The following PIAS1 variants were observed in gnomAD, a reference collection of about 807,000 sequenced individuals.
PIAS1 encodes the protein protein inhibitor of activated STAT 1.
In PIAS1, 6 loss-of-function variants were observed where a neutral mutation model predicts 71.3. The observed-to-expected ratio is 0.08, with a 90% CI of 0.05 to 0.17. The LOEUF is 0.17. PIAS1 is among the 10% of genes least tolerant of loss of function. The pLI is 1.00. For missense variants in PIAS1, 555 were observed against 793.6 expected, an observed-to-expected ratio of 0.70 and a Z score of 3.61; for synonymous variants, 303 against 292.9, an observed-to-expected ratio of 1.03 and a Z score of -0.35.
At chr15:68,080,645 TG>T (rs2092220648) in intron 1 of PIAS1, among the ~76,000 whole-genome samples, 1 of 152,246 alleles carries the variant, frequency 6.6e-6, no homozygotes, top group African/African-American at 2.4e-5. Context: ...CCCCATTGAA[TG>T]AAGAATCTGA....
At chr15:68,103,355 G>A (rs1005498431) in intron 2 of PIAS1, among the ~76,000 whole-genome samples, 12 of 138,440 alleles carry the variant, frequency 8.7e-5, no homozygotes, top group South Asian at 4.5e-4. Flanking sequence ...TAAGCTTTTC[G>A]TTAGCATTTG....
Position 68,082,838 on chromosome 15 carries a change from A to G in PIAS1, c.25-3468A>G, listed in dbSNP as rs759256695. On this transcript the variant is annotated intron_variant, in intron 1 of 13. Coordinates refer to ENST00000249636, the MANE Select transcript of PIAS1 (RefSeq NM_016166.3). ...AGACTTGAAAGTGGTTGCCTCGGGG[A>G]TTTGAAAATTGTGGGGTATGTTAAA... Among the ~76,000 whole-genome samples the G allele has an allele frequency of 2.0e-4, 30 of 152,130 alleles. 1 individual carries two copies. Among genetic ancestry groups the G allele is most frequent in the Admixed American group, 1.4e-3 (21 of 15,268 alleles).
chr15:68,085,442 C>A (rs758319410), intron 1 of PIAS1, among the ~76,000 whole-genome samples: 1 of 152,196 alleles, frequency 6.6e-6, no homozygotes, highest in African/African-American at 2.4e-5. Flanking sequence ...AAATAGATTA[C>A]TGCAGCCTCA....
intron 2 of PIAS1, among the ~76,000 whole-genome samples, chr15:68,131,348 A>G (rs1024504954): frequency 6.6e-6 from 1 of 152,214 alleles, no homozygotes; most frequent in African/African-American, 2.4e-5. Context: ...CAACTAATGT[A>G]TCAAGCTGAT....
At position 68,107,025 on chromosome 15, in the gene PIAS1, C is replaced by G. The variant is rs554549565; in HGVS notation, c.469+20275C>G. On this transcript the variant is annotated intron_variant, in intron 2 of 13. Transcript: ENST00000249636. Reference sequence around the variant, plus strand: ...TGAGGAGATGGGACCCTTTGTACTTCCTAGAGTACAAAGAAACACTGACCT... The same window carrying G: ...TGAGGAGATGGGACCCTTTGTACTTGCTAGAGTACAAAGAAACACTGACCT... 3.9e-5 allele frequency among the ~76,000 whole-genome samples: 6 copies of G among 152,178 alleles called. 1 individual carries two copies. In the South Asian group the frequency reaches 1.2e-3, roughly 32 times the overall value.
intron 2 of PIAS1, among the ~76,000 whole-genome samples, chr15:68,104,188 A>T (rs1001043353): frequency 1.9e-4 from 29 of 152,178 alleles, no homozygotes; most frequent in African/African-American, 5.8e-4. Flanking sequence ...AATAGCACGT[A>T]CCTGGCTTTT....
At chr15:68,087,335 A>G (rs1307802504) in intron 2 of PIAS1, among the ~76,000 whole-genome samples, 3 of 152,184 alleles carry the variant, frequency 2.0e-5, no homozygotes, top group Non-Finnish European at 4.4e-5. Flanking sequence ...TTGTTCCATC[A>G]TTTGATTTGT....
At chr15:68,098,029 A>G (rs1469937103) in intron 2 of PIAS1, among the ~76,000 whole-genome samples, 1 of 152,156 alleles carries the variant, frequency 6.6e-6, no homozygotes, top group East Asian at 1.9e-4. Flanking sequence ...ATATTATTCT[A>G]GATCTTACTC....
chr15:68,155,259 A>G lies in PIAS1; in HGVS notation c.934+1564A>G, dbSNP rs918894579. 3.3e-5 allele frequency among the ~76,000 whole-genome samples: 5 copies of G among 152,126 alleles called. No homozygotes were observed. In the East Asian group the frequency reaches 5.8e-4, roughly 18 times the overall value. Reference sequence around the variant, plus strand: ...GCAAAAACTGTTTAATTCAAAAGCTATTTCTAGTCTGATATACTGATGGAT... The same window carrying G: ...GCAAAAACTGTTTAATTCAAAAGCTGTTTCTAGTCTGATATACTGATGGAT... On this transcript the variant is annotated intron_variant, in intron 7 of 13. Coordinates refer to ENST00000249636, the MANE Select transcript of PIAS1 (RefSeq NM_016166.3).
At chr15:68,093,382 T>A (rs960233421) in intron 2 of PIAS1, among the ~76,000 whole-genome samples, 1 of 152,260 alleles carries the variant, frequency 6.6e-6, no homozygotes, top group Non-Finnish European at 1.5e-5. Flanking sequence ...AGCAGAATTG[T>A]GCGGAAGCAC....
At chr15:68,056,764 TAAAA>T (rs147315446) in intron 1 of PIAS1, among the ~76,000 whole-genome samples, 2 of 151,744 alleles carry the variant, frequency 1.3e-5, no homozygotes, top group Admixed American at 6.6e-5. Flanking sequence ...GAGAATGTGT[TAAAA>T]AAAAGAGAAT....
At chr15:68,087,218 T>A (rs2140982885) in intron 2 of PIAS1, among the ~76,000 whole-genome samples, 1 of 152,296 alleles carries the variant, frequency 6.6e-6, no homozygotes, top group African/African-American at 2.4e-5. Flanking sequence ...AAATTTCAGC[T>A]GATTTTTTTC....
intron 2 of PIAS1, among the ~76,000 whole-genome samples, chr15:68,090,929 T>TGG (rs764854806): frequency 6.5e-5 from 9 of 137,706 alleles, no homozygotes; most frequent in Non-Finnish European, 9.2e-5. Context: ...CATTTACGGG[T>TGG]GTGTGTGTGT....
chr15:68,086,683 G>A lies in PIAS1; in HGVS notation c.402G>A (p.Pro134=), dbSNP rs756448930. Residue 134 remains proline, a synonymous_variant, in exon 2 of 14, where the codon CCG becomes CCA. Coordinates refer to ENST00000249636, the MANE Select transcript of PIAS1 (RefSeq NM_016166.3). This position sits in a 1 kb window ranked among gnomAD's most constrained non-coding sequence, Gnocchi z 7.2. The part of the protein sequence containing the change: ...HLTSALHPVH[P]DIKLQKLPFY... ...CATCAGCTCTTCACCCAGTCCATCC[G>A]GATATAAAACTTCAAAAATTACCAT... 1.4e-5 allele frequency: 23 copies of A among 1,613,224 alleles called. No homozygotes were observed. The highest frequency in any genetic ancestry group is 3.3e-5 in the South Asian group (3 of 91,082).
At chr15:68,063,033 TA>T (rs34275592) in intron 1 of PIAS1, among the ~76,000 whole-genome samples, 68,617 of 152,006 alleles carry the variant, frequency 0.45, 16,161 homozygotes, top group Non-Finnish European at 0.52. Context: ...CTGGTTTTTT[TA>T]AAAAAATAAT....
intron 1 of PIAS1, among the ~76,000 whole-genome samples, chr15:68,070,345 CAAGT>C (rs1431821048): frequency 6.6e-6 from 1 of 152,018 alleles, no homozygotes; most frequent in Non-Finnish European, 1.5e-5. Context: ...TGAAATGAAG[CAAGT>C]AAGAAAAGGA....
intron 2 of PIAS1, among the ~76,000 whole-genome samples, chr15:68,087,406 C>T (rs1481961179): frequency 1.3e-5 from 2 of 152,092 alleles, no homozygotes; most frequent in Non-Finnish European, 2.9e-5. Flanking sequence ...TATAATGCTA[C>T]CTTATTTATT....
chr15:68,172,012 C>T lies in PIAS1; in HGVS notation c.1009-1720C>T, dbSNP rs146885573. The stretch of plus-strand genomic sequence containing the variant: ...ATGTGCCATATTGGTTTGCTGCACC[C>T]GTTAACTCATCATTTACATTAGGTA... On this transcript the variant is annotated intron_variant, in intron 8 of 13. Transcript: ENST00000249636. Among the ~76,000 whole-genome samples, 462 of 152,180 alleles carry T rather than the reference C, an allele frequency of 3.0e-3. 3 individuals carry two copies. Among genetic ancestry groups the T allele is most frequent in the Non-Finnish European group, 3.4e-3 (230 of 67,998 alleles).
chr15:68,153,605 G>T lies in PIAS1; in HGVS notation c.844G>T (p.Val282Leu), dbSNP rs776848307. Residue 282 changes from valine to leucine, a missense_variant, in exon 7 of 14, where the codon GTA becomes TTA. Physicochemically the swap from Val to Leu is conservative, Grantham distance 32. Coordinates refer to ENST00000249636, the MANE Select transcript of PIAS1 (RefSeq NM_016166.3). ...TTTTTTCCAGAACTATTCCATGGCA[G>T]TATATCTTGTAAAACAGTTGTCCTC... ...AEIGRNYSMA[V>L]YLVKQLSSTV... 7.1e-6 allele frequency: 11 copies of T among 1,542,740 alleles called. No homozygotes were observed. The South Asian group carries it at 9.1e-5, about 13-fold the overall frequency.
Sources: gnomAD v4.1 joint callset for allele counts (sites outside exome capture counted in the v4.1 genomes callset) on GRCh38, gnomAD v4.1.1 for gene constraint, Gnocchi (gnomAD v3.1) non-coding constraint, MANE v1.5 for transcripts, NCBI Gene and HGNC (gene_info 2026-07-23, HGNC 2026-07-21) for gene names.